Variants in ATG2A observed in about 807,000 individuals in gnomAD.
ATG2A encodes the protein autophagy-related protein 2 homolog A.
In ATG2A, 103 loss-of-function variants were observed where a neutral mutation model predicts 214.2. That is an observed-to-expected ratio of 0.48 (90% CI 0.41 to 0.57). The LOEUF is 0.57. Among genes scored for constraint, ATG2A ranks in the 20% least tolerant of loss-of-function variants. ATG2A has a pLI of 0.00. For synonymous variants in ATG2A, 1,160 were observed against 1,142.1 expected (o/e 1.02, Z -0.32); for missense variants, 2,312 against 2,613.2 (o/e 0.88, Z 2.51).
intron 7 of ATG2A, 39 bp from the exon 8 acceptor site, chr11:64,912,288 T>TTCCCCCCCCC: frequency 2.0e-6 from 3 of 1,471,152 alleles, no homozygotes; most frequent in Non-Finnish European, 1.9e-6. Flanking sequence ...TGGCTGGCCC[T>TTCCCCCCCCC]CCCAGCCACC....
At chr11:64,899,521 G>A (rs191707928) in intron 31 of ATG2A, among the ~76,000 whole-genome samples, 2 of 152,208 alleles carry the variant, frequency 1.3e-5, no homozygotes, top group East Asian at 3.9e-4. Flanking sequence ...TGCCTCTAGC[G>A]GCTCCTTGGG....
chr11:64,898,196 A>G lies in ATG2A; in HGVS notation c.4774-26T>C. 1 of 1,613,878 alleles carries G rather than the reference A, an allele frequency of 6.2e-7. No homozygotes were observed. ...CTGCAAGGGAGAGGTCCAGATGTGG[A>G]TCAGACTCAGAGGCCTGGAGACAGT... is the stretch of plus-strand genomic sequence containing the variant. On this transcript the variant is annotated intron_variant, in intron 33 of 40. Coordinates refer to ENST00000377264, the MANE Select transcript of ATG2A (RefSeq NM_015104.3). This position sits in a 1 kb window ranked among gnomAD's most constrained non-coding sequence, Gnocchi z 4.5.
chr11:64,901,100 G>A lies in ATG2A; in HGVS notation c.4120-8C>T. 6.4e-7 allele frequency: 1 copy of A among 1,556,468 alleles called. No homozygotes were observed. The highest frequency in any genetic ancestry group is 8.7e-7 in the Non-Finnish European group (1 of 1,150,450). Reference sequence around the variant, plus strand: ...AGGCTCCCCATCTCGGGGCTGCAGGGAGGCCAGGTAGACGTGTGACACAGA... The same window carrying A: ...AGGCTCCCCATCTCGGGGCTGCAGGAAGGCCAGGTAGACGTGTGACACAGA... On this transcript the variant is annotated splice_polypyrimidine_tract_variant and splice_region_variant and intron_variant, in intron 29 of 40. Coordinates refer to ENST00000377264, the MANE Select transcript of ATG2A (RefSeq NM_015104.3).
chr11:64,906,431 G>T lies in ATG2A; in HGVS notation c.3086C>A (p.Thr1029Asn), dbSNP rs1476972612. 1 of 1,613,248 alleles carries T rather than the reference G, an allele frequency of 6.2e-7. No individual in the cohort carries two copies. The highest frequency in any genetic ancestry group is 8.5e-7 in the Non-Finnish European group (1 of 1,179,992). Residue 1029 changes from threonine to asparagine, a missense_variant, in exon 21 of 41, where the codon ACC becomes AAC. By Grantham distance (65) the Thr-to-Asn change is moderately conservative. Transcript: ENST00000377264. The part of the protein sequence containing the change: ...PTIYPSEEGV[T>N]ERGASGRKGQ... ...CTTGCGGCCCGAGGCTCCCCGCTCG[G>T]TCACCCCTTCCTCCGATGGGTAGAT...
Position 64,913,619 on chromosome 11 carries a change from G to A in ATG2A, c.590+202C>T, listed in dbSNP as rs1046875296. ...CATCTAACTTGGTTCTTGGGGCCTC[G>A]GCCACTCTGGGCCTGTATCACCTGG... On this transcript the variant is annotated intron_variant, in intron 4 of 40. Transcript: ENST00000377264. This position sits in a 1 kb window ranked among gnomAD's most constrained non-coding sequence, Gnocchi z 4.3. 7.7e-6 allele frequency: 6 copies of A among 780,948 alleles called. No individual in the cohort carries two copies. The highest frequency in any genetic ancestry group is 1.8e-5 in the African/African-American group (1 of 57,084). The allele number at this position is 780,948 out of a possible 1,614,324, so 48.4% of individuals were successfully genotyped here.
At position 64,900,557 on chromosome 11, in the gene ATG2A, T is replaced by C; in HGVS notation, c.4401A>G (p.Ser1467=). 6.2e-7 allele frequency: 1 copy of C among 1,613,348 alleles called. No homozygotes were observed. Among genetic ancestry groups the C allele is most frequent in the Non-Finnish European group, 8.5e-7 (1 of 1,179,988 alleles). ...GCCCGCTGCCCCCCTGCGTGCGCCA[T>C]GAGTTCTGGGGCCGGTTGGGGCCAG... The part of the protein sequence containing the change: ...RCSGPNRPQN[S]WRTQGGSGRQ... Residue 1467 remains serine, a synonymous_variant, in exon 31 of 41, where the codon TCA becomes TCG. Transcript: ENST00000377264.
intron 9 of ATG2A, 76 bp downstream of exon 9, chr11:64,911,766 C>T: frequency 6.3e-7 from 1 of 1,577,550 alleles, no homozygotes; most frequent in Non-Finnish European, 8.6e-7. Flanking sequence ...TCCTGTGTGC[C>T]TCTGACAGCC....
rs756993506 is a variant in ATG2A, at chr11:64,909,116, T to A, written c.2239A>T (p.Thr747Ser). Residue 747 changes from threonine to serine, a missense_variant, in exon 16 of 41, where the codon ACA becomes TCA. Thr to Ser is a moderately conservative substitution (Grantham distance 58). Coordinates refer to ENST00000377264, the MANE Select transcript of ATG2A (RefSeq NM_015104.3). ...TTCTCCGGGGCCACCTCCCACTGTG[T>A]GCTGCTGGACTGGGGGTTCACAGTC... ...VVTVNPQSSS[T>S]QWEVAPEKGE... 6.2e-7 allele frequency: 1 copy of A among 1,612,448 alleles called. No individual in the cohort carries two copies. Among genetic ancestry groups the A allele is most frequent in the Non-Finnish European group, 8.5e-7 (1 of 1,179,604 alleles).
rs1944732088 is a variant in ATG2A, at chr11:64,910,613, T to C, written c.1707+3A>G. ...GCCTGGTGGCCTGGAGCGGGTGGGT[T>C]ACCTTAGGCACACGGCGCAGGATCT... On this transcript the variant is annotated splice_donor_region_variant and intron_variant, in intron 12 of 40. Coordinates refer to ENST00000377264, the MANE Select transcript of ATG2A (RefSeq NM_015104.3). 6.3e-7 allele frequency: 1 copy of C among 1,596,776 alleles called. No individual in the cohort carries two copies. Among genetic ancestry groups the C allele is most frequent in the Admixed American group, 1.7e-5 (1 of 57,600 alleles).
At position 64,909,685 on chromosome 11, in the gene ATG2A, T is replaced by A; in HGVS notation, c.2103A>T (p.Leu701=). 6.2e-7 allele frequency: 1 copy of A among 1,612,252 alleles called. No individual in the cohort carries two copies. The highest frequency in any genetic ancestry group is 8.5e-7 in the Non-Finnish European group (1 of 1,179,458). The change falls in exon 14 of 41, where the codon CTA becomes CTT. Residue 701 remains leucine, a synonymous_variant. Transcript: ENST00000377264. ...PTHLELTCSD[L]HGIYEDGGKP... ...CTGTCACTCGGGGGCTCTCACCATG[T>A]AGGTCGGAGCAGGTGAGTTCCAGGT...
At position 64,906,515 on chromosome 11, in the gene ATG2A, G is replaced by C; in HGVS notation, c.3002C>G (p.Pro1001Arg). Residue 1001 changes from proline (P) to arginine (R), a missense_variant, in exon 21 of 41, where the codon CCG becomes CGG. Transcript: ENST00000377264. Reference sequence around the variant, plus strand: ...GGGAAGGTCCAGGTGACTGGGCAGCGGGTAGTCATCCACGGCCGCTGGGGA... The same window carrying C: ...GGGAAGGTCCAGGTGACTGGGCAGCCGGTAGTCATCCACGGCCGCTGGGGA... ...LYHRAAVDDY[P>R]LPSHLDLPSF... The C allele has an allele frequency of 6.2e-7, 1 of 1,613,118 alleles. No homozygotes were observed. The highest frequency in any genetic ancestry group is 8.5e-7 in the Non-Finnish European group (1 of 1,179,928).
At chr11:64,897,536 G>A in intron 36 of ATG2A, 42 bp from the exon 37 acceptor site, 1 of 1,593,170 alleles carries the variant, frequency 6.3e-7, no homozygotes, top group Non-Finnish European at 8.6e-7. Flanking sequence ...ATGGGACTCA[G>A]GGAGCTAGCT....
chr11:64,909,736 A>G lies in ATG2A; in HGVS notation c.2052T>C (p.Ser684=), dbSNP rs373508857. ...SEPQFRSELS[S]GPGPPVPTHL... The stretch of plus-strand genomic sequence containing the variant: ...GGGTGGGGACTGGGGGACCAGGCCC[A>G]CTGCTAAGCTCTGACCGGAACTGGG... The change falls in exon 14 of 41, where the codon AGT becomes AGC. Residue 684 remains serine, a synonymous_variant. Transcript: ENST00000377264. 3.0e-5 allele frequency: 49 copies of G among 1,613,152 alleles called. 1 individual carries two copies. In the African/African-American group the frequency reaches 4.4e-4, roughly 14 times the overall value.
chr11:64,910,433 C>A (rs1174014476), intron 12 of ATG2A, among the ~76,000 whole-genome samples, 183 bp downstream of exon 12: 2 of 152,242 alleles, frequency 1.3e-5, no homozygotes, highest in African/African-American at 4.8e-5. Context: ...AGGGCAAGGG[C>A]ATGACCAGGC....
In ATG2A at chr11:64,909,079, A is replaced by G. The variant is rs1944662946; in HGVS notation, c.2276T>C (p.Leu759Pro). Residue 759 changes from leucine (L) to proline (P), a missense_variant, in exon 16 of 41, where the codon CTG becomes CCG. Transcript: ENST00000377264. ...WEVAPEKGEELELSVESPCEL... is the reference protein window; with the variant it reads ...WEVAPEKGEEPELSVESPCEL... ...ACAGGGACTCTCCACTGACAGCTCC[A>G]GTTCCTCTCCCTTCTCCGGGGCCAC... The G allele has an allele frequency of 6.2e-7, 1 of 1,613,186 alleles. No individual in the cohort carries two copies. The highest frequency in any genetic ancestry group is 1.3e-5 in the African/African-American group (1 of 74,910).
At position 64,897,689 on chromosome 11, in the gene ATG2A, G is replaced by A. The variant is rs763324740; in HGVS notation, c.5049C>T (p.His1683=). The part of the protein sequence containing the change: ...VPIWLDYHGK[H]VTMDQVGTFA... Reference sequence around the variant, plus strand: ...CACTTACCACCTGGTCCATCGTGACGTGCTTGCCATGGTAATCCAGCCAGA... The same window carrying A: ...CACTTACCACCTGGTCCATCGTGACATGCTTGCCATGGTAATCCAGCCAGA... The change falls in exon 36 of 41, where the codon CAC becomes CAT. Residue 1683 remains histidine, a synonymous_variant. Coordinates refer to ENST00000377264, the MANE Select transcript of ATG2A (RefSeq NM_015104.3). 6.2e-6 allele frequency: 10 copies of A among 1,614,114 alleles called. No individual in the cohort carries two copies. The highest frequency in any genetic ancestry group is 4.0e-5 in the African/African-American group (3 of 74,950).
At chr11:64,911,695 CT>C (rs1944779329) in intron 9 of ATG2A, 146 bp downstream of exon 9, 8 of 1,176,998 alleles carry the variant, frequency 6.8e-6, no homozygotes, top group Non-Finnish European at 7.0e-6. Context: ...CAGCTCCCAC[CT>C]TGTTTGGTCC....
At chr11:64,905,693 C>T (rs1944519834) in intron 23 of ATG2A, 38 bp from the exon 24 acceptor site, 1 of 1,613,396 alleles carries the variant, frequency 6.2e-7, no homozygotes, top group Admixed American at 1.7e-5. Context: ...GCTCCTTACA[C>T]CTGAGAGCCC....
At chr11:64,897,020 T>G in intron 37 of ATG2A, 151 bp from the exon 38 acceptor site, 6 of 1,095,820 alleles carry the variant, frequency 5.5e-6, no homozygotes, top group Non-Finnish European at 7.6e-6. Flanking sequence ...AGAGGGACTG[T>G]GTCCTTTTTT....
Sources: gnomAD v4.1 joint callset for allele counts (sites outside exome capture counted in the v4.1 genomes callset) on GRCh38, gnomAD v4.1.1 for gene constraint, Gnocchi (gnomAD v3.1) non-coding constraint, MANE v1.5 for transcripts, NCBI Gene and HGNC (gene_info 2026-07-23, HGNC 2026-07-21) for gene names.